UTP20: variants seen among roughly 807,000 people sequenced by gnomAD.
UTP20 encodes UTP20 small subunit processome component.
A neutral mutation model predicts 329.5 loss-of-function variants in UTP20; 164 were observed. That is an observed-to-expected ratio of 0.50 (90% CI 0.44 to 0.57). UTP20 has a LOEUF of 0.57. Ranked by LOEUF, UTP20 falls within the 20% of genes least tolerant of loss-of-function variation. The pLI is 0.00. For missense variants in UTP20, 3,055 were observed against 3,284.2 expected (o/e 0.93, Z 1.71); for synonymous variants, 1,151 against 1,159.3 (o/e 0.99, Z 0.14).
At position 101,289,979 on chromosome 12, in the gene UTP20, T is replaced by C. The variant is rs1045458521; in HGVS notation, c.598-158T>C. 7.3e-6 allele frequency: 4 copies of C among 547,318 alleles called. No individual in the cohort carries two copies. In the African/African-American group the frequency reaches 7.7e-5, roughly 11 times the overall value. 33.9% of individuals were successfully genotyped at this position (547,318 alleles called of 1,614,324 possible). A position where few individuals can be genotyped will look rare whatever the true frequency, so the allele number is the denominator to read the frequency against. On this transcript the variant is annotated intron_variant, in intron 6 of 61. Coordinates refer to ENST00000261637, the MANE Select transcript of UTP20 (RefSeq NM_014503.3). ...TGTGACATTCCAAGTGAGAACACAC[T>C]ATTAGAGTAGTTTGAAATCATTACA...
chr12:101,297,550 C>T (rs1872396279), intron 12 of UTP20, among the ~76,000 whole-genome samples: 2 of 152,166 alleles, frequency 1.3e-5, no homozygotes, highest in Admixed American at 1.3e-4. Flanking sequence ...TTCTGTATAC[C>T]TTACAAATTG....
chr12:101,295,959 A>G (rs1047411996), intron 12 of UTP20, among the ~76,000 whole-genome samples: 3 of 152,184 alleles, frequency 2.0e-5, no homozygotes, highest in African/African-American at 7.2e-5. Flanking sequence ...TTTTTTAACC[A>G]TTTATTTTAA....
intron 44 of UTP20, 109 bp from the exon 45 acceptor site, chr12:101,363,467 A>G: frequency 1.1e-6 from 1 of 951,888 alleles, no homozygotes; most frequent in South Asian, 2.6e-5. Flanking sequence ...GTCCAGTCCA[A>G]CTTGCATTTC....
intron 22 of UTP20, among the ~76,000 whole-genome samples, chr12:101,317,944 G>A (rs545158086): frequency 6.6e-6 from 1 of 152,186 alleles, no homozygotes; most frequent in Non-Finnish European, 1.5e-5. Flanking sequence ...TTTGGGACCT[G>A]GAGTGTTTGG....
chr12:101,287,316 C>G (rs1871992760), intron 5 of UTP20, among the ~76,000 whole-genome samples: 1 of 152,180 alleles, frequency 6.6e-6, no homozygotes, highest in Admixed American at 6.5e-5. Flanking sequence ...CCCTATGAAG[C>G]TTTTGGTCAA....
intron 55 of UTP20, 68 bp downstream of exon 55, chr12:101,375,007 G>T: frequency 8.9e-7 from 1 of 1,129,362 alleles, no homozygotes; most frequent in South Asian, 1.3e-5. Flanking sequence ...GTAGCTAACA[G>T]ATTAGATATC....
chr12:101,334,531 A>G (rs1319232408), intron 29 of UTP20, 27 bp downstream of exon 29: 1 of 1,587,996 alleles, frequency 6.3e-7, no homozygotes, highest in Non-Finnish European at 8.6e-7. Context: ...TTCCTTCTTT[A>G]AAAAGGGCAG....
chr12:101,311,308 T>C (rs965387835), intron 19 of UTP20, among the ~76,000 whole-genome samples: 6 of 152,332 alleles, frequency 3.9e-5, no homozygotes, highest in Admixed American at 2.6e-4. Flanking sequence ...GTTTATTTTG[T>C]CTTTGTGTTA....
At chr12:101,354,284 A>AG (rs1491288322) in intron 40 of UTP20, among the ~76,000 whole-genome samples, 1 of 127,512 alleles carries the variant, frequency 7.8e-6, no homozygotes, top group African/African-American at 3.9e-5. Context: ...AAAAAAAAAA[A>AG]GAAAAGAAAT....
At chr12:101,292,617 C>G (rs1215198697) in intron 10 of UTP20, among the ~76,000 whole-genome samples, 3 of 152,106 alleles carry the variant, frequency 2.0e-5, no homozygotes, top group Non-Finnish European at 2.9e-5. Flanking sequence ...AGCAGTCTGC[C>G]AGTCAGAAGC....
At chr12:101,318,831 GAAA>G (rs35483128) in intron 22 of UTP20, among the ~76,000 whole-genome samples, 4 of 97,686 alleles carry the variant, frequency 4.1e-5, no homozygotes, top group Non-Finnish European at 6.1e-5. Flanking sequence ...ACTCCATCTT[GAAA>G]AAAAAAAAAA....
Position 101,369,850 on chromosome 12 carries a change from G to T in UTP20, c.6514G>T (p.Ala2172Ser). ...LLKDYAKLGA[A>S]RGQNFHLVVN... ...GAAGGACTATGCAAAGCTCGGGGCC[G>T]CCAGGGGCCAGAACTTCCACCTTGT... is the stretch of plus-strand genomic sequence containing the variant. The change falls in exon 49 of 62, where the codon GCC becomes TCC. Residue 2172 changes from alanine to serine, a missense_variant. By Grantham distance (99) the Ala-to-Ser change is moderately conservative (BLOSUM62 1). Transcript: ENST00000261637. 1.9e-6 allele frequency: 3 copies of T among 1,613,972 alleles called. No homozygotes were observed. The highest frequency in any genetic ancestry group is 1.1e-5 in the South Asian group (1 of 91,058).
intron 14 of UTP20, among the ~76,000 whole-genome samples, chr12:101,300,597 C>G (rs1872495547): frequency 6.6e-6 from 1 of 152,160 alleles, no homozygotes; most frequent in African/African-American, 2.4e-5. Context: ...TTAGACTGCC[C>G]TGCCCAAAAC....
intron 38 of UTP20, among the ~76,000 whole-genome samples, chr12:101,349,706 G>C (rs1869453031): frequency 1.3e-5 from 2 of 152,124 alleles, no homozygotes; most frequent in Admixed American, 1.3e-4. Context: ...CTCCCAAAGT[G>C]TTGGGATTAC....
chr12:101,303,943 C>T (rs1221178630), intron 15 of UTP20, among the ~76,000 whole-genome samples: 1 of 152,184 alleles, frequency 6.6e-6, no homozygotes, highest in African/African-American at 2.4e-5. Flanking sequence ...CATAGTCTCC[C>T]TTTTAAAATC....
chr12:101,307,430 G>A lies in UTP20; in HGVS notation c.1995+669G>A, dbSNP rs535779383. 9.9e-4 allele frequency among the ~76,000 whole-genome samples: 150 copies of A among 152,046 alleles called. 1 individual carries two copies. Among genetic ancestry groups the A allele is most frequent in the African/African-American group, 3.4e-3 (143 of 41,456 alleles). ...CTCACTCTGTCACCTAGACTGGAAT[G>A]CAGTGGCGTGATTTCGGCTCACTGC... On this transcript the variant is annotated intron_variant, in intron 17 of 61. Coordinates refer to ENST00000261637, the MANE Select transcript of UTP20 (RefSeq NM_014503.3).
chr12:101,343,121 T>C lies in UTP20; in HGVS notation c.4449+28T>C, dbSNP rs756407300. The C allele has an allele frequency of 2.6e-6, 4 of 1,515,964 alleles. No individual in the cohort carries two copies. In the Admixed American group the frequency reaches 5.9e-5, roughly 22 times the overall value. The allele number at this position is 1,515,964 out of a possible 1,614,324, so 93.9% of individuals were successfully genotyped here. ...AGGTTATTATAGCAAAATTTTTAAA[T>C]TATTTTTTATTGTTTTGGTAATACG... On this transcript the variant is annotated intron_variant, in intron 35 of 61. Coordinates refer to ENST00000261637, the MANE Select transcript of UTP20 (RefSeq NM_014503.3).
chr12:101,379,247 T>G (rs933937845), intron 56 of UTP20, 124 bp from the exon 57 acceptor site: 13 of 818,722 alleles, frequency 1.6e-5, no homozygotes, highest in Non-Finnish European at 2.4e-5. Context: ...GCCATTGGCT[T>G]ATTTTGTTCA....
intron 29 of UTP20, 23 bp from the exon 30 acceptor site, chr12:101,338,028 T>G: frequency 6.2e-7 from 1 of 1,605,248 alleles, no homozygotes; most frequent in Non-Finnish European, 8.5e-7. Flanking sequence ...ATAAGATGAT[T>G]ACTACAATGT....
Sources: gnomAD v4.1 joint callset for allele counts (sites outside exome capture counted in the v4.1 genomes callset) on GRCh38, gnomAD v4.1.1 for gene constraint, MANE v1.5 for transcripts, NCBI Gene and HGNC (gene_info 2026-07-23, HGNC 2026-07-21) for gene names.